Variants in MEF2C observed in about 807,000 individuals in gnomAD.
The protein encoded by MEF2C is myocyte enhancer factor 2C.
In MEF2C, 6 loss-of-function variants were observed where a neutral mutation model predicts 50.5. The observed-to-expected ratio is 0.12, with a 90% CI of 0.07 to 0.23. The LOEUF (loss-of-function observed/expected upper bound fraction) is 0.23, where lower values mean the gene tolerates loss of function less well. Among genes scored for constraint, MEF2C ranks in the 10% least tolerant of loss-of-function variants. The pLI, the probability that MEF2C is intolerant of heterozygous loss-of-function variation, is 1.00. For synonymous variants in MEF2C, 183 were observed against 228.0 expected, an observed-to-expected ratio of 0.80 and a Z score of 1.78; for missense variants, 276 against 605.0, an observed-to-expected ratio of 0.46 and a Z score of 5.70.
In MEF2C at chr5:88,768,635, A is replaced by G. The variant is rs574902707; in HGVS notation, c.259-7307T>C. On this transcript the variant is annotated intron_variant, in intron 3 of 10. Coordinates refer to ENST00000504921, the MANE Select transcript of MEF2C (RefSeq NM_002397.5). The stretch of plus-strand genomic sequence containing the variant: ...GGCAAGTGGTCGGAACTTACTAGAT[A>G]TTTGCAGCATTCATGACAAACTGAA... 55 of 967,626 alleles carry G rather than the reference A, an allele frequency of 5.7e-5. 1 individual carries two copies. The South Asian group carries it at 2.3e-3, about 40-fold the overall frequency. The allele number at this position is 967,626 out of a possible 1,614,324, so 59.9% of individuals were successfully genotyped here.
chr5:88,836,898 C>G (rs748623662), intron 1 of MEF2C, among the ~76,000 whole-genome samples: 1 of 151,280 alleles, frequency 6.6e-6, no homozygotes, highest in Non-Finnish European at 1.5e-5. Context: ...TGGAGGCAAG[C>G]TCACGACTTT....
chr5:88,860,805 GA>G (rs932529104), intron 1 of MEF2C, among the ~76,000 whole-genome samples: 17 of 149,288 alleles, frequency 1.1e-4, no homozygotes, highest in East Asian at 3.9e-4. Context: ...ACACATTGGA[GA>G]AAAAAAAAAT....
chr5:88,852,598 C>T (rs1275666006), intron 1 of MEF2C, among the ~76,000 whole-genome samples: 2 of 152,122 alleles, frequency 1.3e-5, no homozygotes, highest in South Asian at 2.1e-4. Flanking sequence ...TAGCTGGGCA[C>T]GGTGGCTCAC....
chr5:88,749,028 T>C, intron 6 of MEF2C, 42 bp downstream of exon 6: 1 of 1,555,178 alleles, frequency 6.4e-7, no homozygotes, highest in Non-Finnish European at 8.7e-7. Context: ...GTAGAAGAAC[T>C]CAGAACAATG....
intron 1 of MEF2C, among the ~76,000 whole-genome samples, chr5:88,868,279 A>C (rs1279253225): frequency 1.3e-5 from 2 of 152,176 alleles, no homozygotes; most frequent in African/African-American, 4.8e-5. Flanking sequence ...CTACCTTTTT[A>C]GAAGATCTGG....
At chr5:88,878,299 G>C (rs1382529174) in intron 1 of MEF2C, among the ~76,000 whole-genome samples, 1 of 152,002 alleles carries the variant, frequency 6.6e-6, no homozygotes, top group Non-Finnish European at 1.5e-5. Flanking sequence ...AGAGGCCCAT[G>C]AATGTTACAA....
chr5:88,859,022 C>T (rs1170333820), intron 1 of MEF2C, among the ~76,000 whole-genome samples: 3 of 152,164 alleles, frequency 2.0e-5, no homozygotes, highest in East Asian at 3.8e-4. Context: ...CTGCCTGTCT[C>T]GTCAGAGTGC....
chr5:88,792,262 CCAGCTCACA>C (rs1342515313), intron 3 of MEF2C, among the ~76,000 whole-genome samples: 1 of 152,016 alleles, frequency 6.6e-6, no homozygotes, highest in Non-Finnish European at 1.5e-5. Context: ...TATACTTCAC[CCAGCTCACA>C]CAGTTAATGT....
intron 3 of MEF2C, among the ~76,000 whole-genome samples, chr5:88,796,440 T>C (rs1198059202): frequency 6.6e-6 from 1 of 152,234 alleles, no homozygotes; most frequent in Non-Finnish European, 1.5e-5. Context: ...GTGTTTATAG[T>C]ATTCTTTAAT....
chr5:88,746,483 A>G, intron 6 of MEF2C: 1 of 984,356 alleles, frequency 1.0e-6, no homozygotes, highest in Non-Finnish European at 1.2e-6. Flanking sequence ...TTGATTTAGA[A>G]AAAAACTGCA....
At chr5:88,865,995 A>G (rs1827227895) in intron 1 of MEF2C, among the ~76,000 whole-genome samples, 1 of 151,614 alleles carries the variant, frequency 6.6e-6, no homozygotes, top group East Asian at 1.9e-4. Context: ...TCCTGGGTTC[A>G]CGCCATTCTC....
intron 1 of MEF2C, among the ~76,000 whole-genome samples, chr5:88,846,636 C>T (rs1352187773): frequency 6.6e-6 from 1 of 152,138 alleles, no homozygotes; most frequent in Admixed American, 6.5e-5. Context: ...TGTAATGCCG[C>T]CAAGGTCACT....
intron 6 of MEF2C, chr5:88,741,702 C>A: frequency 1.0e-6 from 1 of 981,702 alleles, no homozygotes; most frequent in Non-Finnish European, 1.2e-6. Context: ...CCTCCTTATA[C>A]TTTAAATACA....
At chr5:88,760,965 AGCCAT>A in intron 4 of MEF2C, 1 of 1,596,056 alleles carries the variant, frequency 6.3e-7, no homozygotes. Context: ...TCAGCAGACC[AGCCAT>A]CTACCTTTGG....
chr5:88,810,303 T>C (rs1416477504), intron 2 of MEF2C, among the ~76,000 whole-genome samples: 2 of 152,116 alleles, frequency 1.3e-5, no homozygotes, highest in African/African-American at 4.8e-5. Flanking sequence ...TTGGAATTTA[T>C]AATAAAGAAG....
chr5:88,894,438 T>C (rs1361275975), intron 1 of MEF2C, among the ~76,000 whole-genome samples: 1 of 152,230 alleles, frequency 6.6e-6, no homozygotes, highest in African/African-American at 2.4e-5. Context: ...CTCTTTAAGG[T>C]AGACACTTTA....
intron 3 of MEF2C, among the ~76,000 whole-genome samples, chr5:88,773,986 G>A (rs543131174): frequency 2.6e-5 from 4 of 152,300 alleles, no homozygotes; most frequent in African/African-American, 9.6e-5. Context: ...GCTGGTCAGG[G>A]GACAGTTGCT....
At chr5:88,899,178 C>G (rs1238901174) in intron 1 of MEF2C, among the ~76,000 whole-genome samples, 2 of 152,022 alleles carry the variant, frequency 1.3e-5, no homozygotes, top group African/African-American at 4.8e-5. Flanking sequence ...ACTAGGGTCC[C>G]CAAGTGGAAA....
chr5:88,834,341 T>C (rs1215466902), intron 1 of MEF2C, among the ~76,000 whole-genome samples: 1 of 152,150 alleles, frequency 6.6e-6, no homozygotes, highest in Non-Finnish European at 1.5e-5. Context: ...GCTAAGTCAC[T>C]GTAATGGGGT....
Sources: allele counts gnomAD v4.1 joint callset (sites outside exome capture counted in the v4.1 genomes callset), GRCh38; gene constraint gnomAD v4.1.1; transcripts MANE v1.5; gene names NCBI Gene and HGNC (gene_info 2026-07-23, HGNC 2026-07-21).